Variants in MAP3K12 observed in about 807,000 individuals in gnomAD.
The protein encoded by MAP3K12 is MAPK-upstream kinase.
Under a neutral mutation model 87.5 loss-of-function variants are expected in MAP3K12, and 14 were observed. The ratio of observed to expected loss-of-function variants is 0.16; its 90% CI spans 0.11 to 0.25. The LOEUF (loss-of-function observed/expected upper bound fraction) is 0.25, where lower values mean the gene tolerates loss of function less well. Among genes scored for constraint, MAP3K12 ranks in the 10% least tolerant of loss-of-function variants. The pLI is 1.00. For missense variants in MAP3K12, 802 were observed against 1,140.4 expected, an observed-to-expected ratio of 0.70 and a Z score of 4.27; for synonymous variants, 469 against 452.5, an observed-to-expected ratio of 1.04 and a Z score of -0.46.
upstream of MAP3K12, chr12:53,501,006 G>A (rs1287407387): frequency 4.4e-6 from 1 of 229,308 alleles, no homozygotes; most frequent in East Asian, 1.2e-4. Flanking sequence ...GCCCAAGTGA[G>A]TCCTTACCGC....
At chr12:53,484,549 C>G (rs1352139979) in intron 6 of MAP3K12, 184 bp from the exon 7 acceptor site, 4 of 566,972 alleles carry the variant, frequency 7.1e-6, no homozygotes, top group Non-Finnish European at 9.3e-6. Flanking sequence ...TGTCAAAATC[C>G]TGCAGTAAGG....
chr12:53,481,375 A>G (rs552678244), intron 13 of MAP3K12, 95 bp from the exon 14 acceptor site: 6 of 556,948 alleles, frequency 1.1e-5, no homozygotes, highest in African/African-American at 1.0e-4. Context: ...TTTTTAAGAC[A>G]GAGTCTCACT....
intron 10 of MAP3K12, 51 bp downstream of exon 10, chr12:53,483,298 C>A (rs1320554063): frequency 6.3e-7 from 1 of 1,596,972 alleles, no homozygotes; most frequent in Admixed American, 1.7e-5. Context: ...ATACCTGTTG[C>A]CACTTCAGTA....
At chr12:53,483,547 G>A (rs1180072071) in intron 9 of MAP3K12, 60 bp downstream of exon 9, 5 of 1,613,924 alleles carry the variant, frequency 3.1e-6, no homozygotes. Context: ...CCCAGTCTCA[G>A]TAGGACCTCT....
chr12:53,481,552 A>T (rs931900793), intron 13 of MAP3K12: 1 of 286,038 alleles, frequency 3.5e-6, no homozygotes, highest in Non-Finnish European at 6.6e-6. Context: ...GTTTTACCAT[A>T]TTGGTCAGGC....
intron 1 of MAP3K12, among the ~76,000 whole-genome samples, chr12:53,493,426 G>A (rs1036383939): frequency 1.3e-5 from 2 of 152,150 alleles, no homozygotes; most frequent in Non-Finnish European, 2.9e-5. Context: ...GGCATTGGGG[G>A]TGCAGTACCA....
chr12:53,491,966 T>C (rs1565891128), intron 1 of MAP3K12, among the ~76,000 whole-genome samples: 1 of 151,362 alleles, frequency 6.6e-6, no homozygotes, highest in Non-Finnish European at 1.5e-5. Flanking sequence ...TCCCAGCTAC[T>C]TGAGAGGCTA....
In MAP3K12 at chr12:53,481,056, C is replaced by A; in HGVS notation, c.*126G>T. 1 of 300,776 alleles carries A rather than the reference C, an allele frequency of 3.3e-6. No homozygotes were observed. The highest frequency in any genetic ancestry group is 5.4e-6 in the Non-Finnish European group (1 of 185,704). The allele number at this position is 300,776 out of a possible 1,614,324, so 18.6% of individuals were successfully genotyped here. ...AATTGGTCAGGGGATCAGTCTCCCT[C>A]GAGCCTGACTTACGGCTGGGACAGC... is the stretch of plus-strand genomic sequence containing the variant. On this transcript the variant is annotated 3_prime_UTR_variant, in exon 14 of 14. Coordinates refer to ENST00000547488, the MANE Select transcript of MAP3K12 (RefSeq NM_001193511.2).
At chr12:53,495,505 G>A (rs553272246) in intron 1 of MAP3K12, among the ~76,000 whole-genome samples, 3 of 133,750 alleles carry the variant, frequency 2.2e-5, no homozygotes, top group Admixed American at 1.8e-4. Context: ...CGCCGCCACT[G>A]CACTCTAGCC....
rs770315467 is a variant in MAP3K12, at chr12:53,485,263, C to A, written c.981-49G>T. The A allele has an allele frequency of 1.0e-5, 16 of 1,601,128 alleles. No homozygotes were observed. The South Asian group carries it at 1.2e-4, about 12-fold the overall frequency. On this transcript the variant is annotated intron_variant, in intron 5 of 13. Coordinates refer to ENST00000547488, the MANE Select transcript of MAP3K12 (RefSeq NM_001193511.2). ...GTGCTCAAGCCCTAGAAGTTGCCCA[C>A]AATCCCCCCAGGGCTGGCCACCCAC...
chr12:53,489,139 C>G (rs569356405), intron 1 of MAP3K12, among the ~76,000 whole-genome samples: 1 of 150,746 alleles, frequency 6.6e-6, no homozygotes, highest in African/African-American at 2.4e-5. Flanking sequence ...AAAACCCTGT[C>G]TCTACCAAAA....
rs1297354223 is a variant in MAP3K12 at position 53,481,254 on chromosome 12, G to A, written c.2607C>T (p.Asp869=). ...AGTTGTCCAATTCAGTGCTGTCACA[G>A]TCTGAGTCCTCAGAATTGGGAGGGC... The part of the protein sequence containing the change: ...ERGPPNSEDS[D]CDSTELDNSN... The change falls in exon 14 of 14, where the codon GAC becomes GAT. Residue 869 remains aspartate, a synonymous_variant. Transcript: ENST00000547488. 2.6e-6 allele frequency: 4 copies of A among 1,566,534 alleles called. No individual in the cohort carries two copies. The highest frequency in any genetic ancestry group is 2.4e-5 in the East Asian group (1 of 41,022).
rs1555212340 is a variant in MAP3K12, at chr12:53,491,301, AAAAAG to A, written c.-37-3878_-37-3874del. The stretch of plus-strand genomic sequence containing the variant: ...AGACTCTGTCTCAAAAAAAAAAAAA[AAAAAG>A]AAAAGAAAAGAAAAACAGGCTTACT... On this transcript the variant is annotated intron_variant, in intron 1 of 13. Coordinates refer to ENST00000547488, the MANE Select transcript of MAP3K12 (RefSeq NM_001193511.2). Among the ~76,000 whole-genome samples the A allele has an allele frequency of 1.9e-4, 19 of 101,566 alleles. 1 individual carries two copies. Among genetic ancestry groups the A allele is most frequent in the African/African-American group, 6.8e-4 (18 of 26,590 alleles). 66.6% of individuals were successfully genotyped at this position (101,566 alleles called of 152,430 possible). A position where few individuals can be genotyped will look rare whatever the true frequency, so the allele number is the denominator to read the frequency against.
chr12:53,492,819 A>G (rs1450242354), intron 1 of MAP3K12, among the ~76,000 whole-genome samples: 1 of 151,312 alleles, frequency 6.6e-6, no homozygotes, highest in African/African-American at 2.4e-5. Context: ...ACCCAGAAAC[A>G]AGGCCCAAGA....
chr12:53,482,530 AAG>A, intron 11 of MAP3K12, 33 bp downstream of exon 11: 1 of 1,595,566 alleles, frequency 6.3e-7, no homozygotes, highest in South Asian at 1.1e-5. Flanking sequence ...GATAAGGAAA[AAG>A]GGAAAGAGCT....
Position 53,481,152 on chromosome 12 carries a change from TTCTC to T in MAP3K12, c.*26_*29del, listed in dbSNP as rs1385731561. 3.8e-6 allele frequency: 4 copies of T among 1,053,184 alleles called. No individual in the cohort carries two copies. Among genetic ancestry groups the T allele is most frequent in the Non-Finnish European group, 5.0e-6 (4 of 794,192 alleles). The allele number at this position is 1,053,184 out of a possible 1,614,324, so 65.2% of individuals were successfully genotyped here. On this transcript the variant is annotated 3_prime_UTR_variant, in exon 14 of 14. Coordinates refer to ENST00000547488, the MANE Select transcript of MAP3K12 (RefSeq NM_001193511.2). Reference sequence around the variant, plus strand: ...ATATATATATAATTTATATAAATATTTCTCTATGTACAAGGAATACGAGTGGCTT... The same window carrying T: ...ATATATATATAATTTATATAAATATTTATGTACAAGGAATACGAGTGGCTT...
chr12:53,481,328 T>TG (rs759623808), intron 13 of MAP3K12, 48 bp from the exon 14 acceptor site: 1 of 1,138,386 alleles, frequency 8.8e-7, no homozygotes, highest in South Asian at 1.9e-5. Flanking sequence ...GGTTCTTTGC[T>TG]GGGGTCATTT....
At chr12:53,494,274 T>C (rs1486344501) in intron 1 of MAP3K12, among the ~76,000 whole-genome samples, 1 of 152,240 alleles carries the variant, frequency 6.6e-6, no homozygotes, top group Non-Finnish European at 1.5e-5. Flanking sequence ...GGTGGGTCTC[T>C]CTGTCACTCA....
chr12:53,482,145 C>A lies in MAP3K12; in HGVS notation c.2376G>T (p.Gly792=), dbSNP rs770569957. The change falls in exon 13 of 14, where the codon GGG becomes GGT. Residue 792 remains glycine (G), a synonymous_variant. Coordinates refer to ENST00000547488, the MANE Select transcript of MAP3K12 (RefSeq NM_001193511.2). ...STFSSENPSD[G]EEGTASEPSP... ...AAGGTTCACTAGCTGTGCCTTCCTC[C>A]CCATCTGATGGATTCTCTGAGCTGA... 1.9e-6 allele frequency: 3 copies of A among 1,614,180 alleles called. No individual in the cohort carries two copies. In the Admixed American group the frequency reaches 5.0e-5, roughly 27 times the overall value.
Sources: allele counts gnomAD v4.1 joint callset (sites outside exome capture counted in the v4.1 genomes callset), GRCh38; gene constraint gnomAD v4.1.1; transcripts MANE v1.5; gene names NCBI Gene and HGNC (gene_info 2026-07-23, HGNC 2026-07-21).